Variants in RIMS2 observed in about 807,000 individuals in gnomAD.
RIMS2 encodes the protein regulating synaptic membrane exocytosis 2.
In RIMS2, 59 loss-of-function variants were observed where a neutral mutation model predicts 174.4. That is an observed-to-expected ratio of 0.34 (90% CI 0.27 to 0.42). The LOEUF (loss-of-function observed/expected upper bound fraction) is 0.42. Ranked by LOEUF, RIMS2 falls within the 10% of genes least tolerant of loss-of-function variation. The pLI is 1.00. For synonymous variants in RIMS2, 606 were observed against 572.5 expected (o/e 1.06, Z -0.84); for missense variants, 1,620 against 1,666.3 (o/e 0.97, Z 0.48).
chr8:103,820,107 A>G (rs2098742666), intron 3 of RIMS2, among the ~76,000 whole-genome samples: 1 of 152,116 alleles, frequency 6.6e-6, no homozygotes, highest in East Asian at 1.9e-4. Flanking sequence ...AACAAGATAT[A>G]TTGTGGAACC....
chr8:103,792,521 CAA>C (rs1326510148), intron 3 of RIMS2, among the ~76,000 whole-genome samples: 1 of 151,766 alleles, frequency 6.6e-6, no homozygotes, highest in Non-Finnish European at 1.5e-5. Context: ...ACTAGAGAAA[CAA>C]GAGCAAACAC....
intron 1 of RIMS2, among the ~76,000 whole-genome samples, chr8:103,637,885 C>T (rs1183659306): frequency 6.6e-6 from 1 of 152,104 alleles, no homozygotes; most frequent in East Asian, 1.9e-4. Flanking sequence ...TCCTTGTTTT[C>T]ATGATTTTGA....
chr8:103,819,900 C>G (rs1341169600), intron 3 of RIMS2, among the ~76,000 whole-genome samples: 1 of 151,972 alleles, frequency 6.6e-6, no homozygotes, highest in Non-Finnish European at 1.5e-5. Flanking sequence ...TTTCTAGATA[C>G]ATAAAATGAC....
Position 103,900,422 on chromosome 8 carries a change from C to A in RIMS2, c.1625-9712C>A, listed in dbSNP as rs546455531. Among the ~76,000 whole-genome samples the A allele has an allele frequency of 5.4e-5, 8 of 148,816 alleles. 2 individuals carry two copies. Among genetic ancestry groups the A allele is most frequent in the African/African-American group, 2.1e-4 (8 of 38,304 alleles). ...TATTTTTAGTAAAGACAGGATTTCACTGTGTTGGCCAGGCCATTATAGTAG... is the reference window on the plus strand; with the variant it reads ...TATTTTTAGTAAAGACAGGATTTCAATGTGTTGGCCAGGCCATTATAGTAG... On this transcript the variant is annotated intron_variant, in intron 4 of 23. Coordinates refer to ENST00000504942, the Ensembl canonical transcript of RIMS2.
At chr8:103,866,096 A>T (rs1026519054) in intron 3 of RIMS2, among the ~76,000 whole-genome samples, 1 of 152,180 alleles carries the variant, frequency 6.6e-6, no homozygotes, top group Admixed American at 6.6e-5. Flanking sequence ...TAATATTTTT[A>T]AAATGCAGTC....
chr8:103,755,799 A>G (rs2097989694), intron 2 of RIMS2, among the ~76,000 whole-genome samples: 1 of 151,990 alleles, frequency 6.6e-6, no homozygotes, highest in Non-Finnish European at 1.5e-5. Flanking sequence ...TCTTCTCTAA[A>G]CTGATTATTC....
chr8:104,119,993 A>G (rs1302598895), intron 19 of RIMS2, among the ~76,000 whole-genome samples: 1 of 152,230 alleles, frequency 6.6e-6, no homozygotes, highest in South Asian at 2.1e-4. Flanking sequence ...TTACTGTCCA[A>G]TAAGTTTTTT....
chr8:103,756,711 A>G (rs2139982758), intron 2 of RIMS2, among the ~76,000 whole-genome samples: 1 of 152,226 alleles, frequency 6.6e-6, no homozygotes. Flanking sequence ...AGGCATAGCC[A>G]TTGTGCCCAG....
chr8:104,099,759 T>A (rs1252884169), intron 19 of RIMS2, among the ~76,000 whole-genome samples: 2 of 152,136 alleles, frequency 1.3e-5, no homozygotes, highest in African/African-American at 4.8e-5. Flanking sequence ...GTTGTTCCAT[T>A]TATTTTTTCT....
intron 1 of RIMS2, among the ~76,000 whole-genome samples, chr8:103,663,772 G>GA (rs1342575444): frequency 2.0e-5 from 3 of 152,008 alleles, no homozygotes; most frequent in Non-Finnish European, 4.4e-5. Flanking sequence ...CACAGAATTG[G>GA]AAAAAAACTA....
intron 19 of RIMS2, among the ~76,000 whole-genome samples, chr8:104,057,345 G>A (rs1012883360): frequency 7.9e-5 from 12 of 151,840 alleles, no homozygotes; most frequent in Admixed American, 3.9e-4. Flanking sequence ...TGTGATTACA[G>A]GTGTGAGCCA....
At chr8:104,130,266 A>G (rs2098463934) in intron 19 of RIMS2, among the ~76,000 whole-genome samples, 1 of 152,192 alleles carries the variant, frequency 6.6e-6, no homozygotes, top group Non-Finnish European at 1.5e-5. Flanking sequence ...GTCAGATGCA[A>G]TGTGGAAATA....
intron 3 of RIMS2, among the ~76,000 whole-genome samples, chr8:103,829,364 G>T (rs184097053): frequency 2.4e-4 from 36 of 152,250 alleles, no homozygotes; most frequent in African/African-American, 7.7e-4. Flanking sequence ...CCATTACTGG[G>T]TATATACCCA....
chr8:103,621,481 T>C (rs1042067534), intron 1 of RIMS2, among the ~76,000 whole-genome samples: 2 of 152,270 alleles, frequency 1.3e-5, no homozygotes, highest in Non-Finnish European at 2.9e-5. Context: ...AGGAATAGGC[T>C]ATGACCTAAT....
chr8:104,148,665 A>G (rs1270117435), intron 19 of RIMS2: 2 of 1,598,388 alleles, frequency 1.3e-6, no homozygotes, highest in African/African-American at 1.3e-5. Context: ...GAACATGACA[A>G]AAAGCACCAG....
chr8:103,936,793 T>A, intron 13 of RIMS2, 71 bp downstream of exon 15: 1 of 1,216,334 alleles, frequency 8.2e-7, no homozygotes, highest in South Asian at 1.6e-5. Flanking sequence ...TAACTGTCAG[T>A]ATAATTTCAT....
chr8:104,029,436 G>A (rs538247305), intron 19 of RIMS2, among the ~76,000 whole-genome samples: 18 of 152,178 alleles, frequency 1.2e-4, no homozygotes, highest in East Asian at 3.9e-4. Flanking sequence ...GAGATATTCC[G>A]ACCAGCCAGC....
At chr8:104,159,614 C>G (rs1161427391) in intron 19 of RIMS2, among the ~76,000 whole-genome samples, 1 of 152,040 alleles carries the variant, frequency 6.6e-6, no homozygotes, top group Admixed American at 6.5e-5. Context: ...TGATAATAGC[C>G]ATTCTAATGA....
chr8:104,066,926 G>A (rs1402389767), intron 19 of RIMS2, among the ~76,000 whole-genome samples: 2 of 151,618 alleles, frequency 1.3e-5, no homozygotes, highest in African/African-American at 2.4e-5. Flanking sequence ...TTCATTAAAC[G>A]ATTTTCCTTT....
Sources: gnomAD v4.1 joint callset for allele counts (sites outside exome capture counted in the v4.1 genomes callset) on GRCh38, gnomAD v4.1.1 for gene constraint, MANE v1.5 for transcripts, NCBI Gene and HGNC (gene_info 2026-07-23, HGNC 2026-07-21) for gene names.